Variants in P4HA3 observed in about 807,000 individuals in gnomAD.
The protein encoded by P4HA3 is prolyl 4-hydroxylase subunit alpha 3, also known as prolyl 4-hydroxylase subunit alpha-3.
In P4HA3, 60 loss-of-function variants were observed where a neutral mutation model predicts 66.7. The ratio of observed to expected loss-of-function variants is 0.90; its 90% confidence interval spans 0.73 to 1.12. The LOEUF (loss-of-function observed/expected upper bound fraction) is 1.12, where lower values mean the gene tolerates loss of function less well. P4HA3 is among the 50% of genes most tolerant of loss of function. The pLI is 0.00. For missense variants in P4HA3, 683 were observed against 685.8 expected (o/e 1.00, Z 0.05); for synonymous variants, 263 against 274.6 (o/e 0.96, Z 0.42).
chr11:74,256,179 T>A (rs1859826219), intron 15 of P4HA3, among the ~76,000 whole-genome samples: 1 of 152,206 alleles, frequency 6.6e-6, no homozygotes, highest in Non-Finnish European at 1.5e-5. Flanking sequence ...ACTGGCTTGC[T>A]TCCACATCAT....
At chr11:74,288,731 T>G (rs1440874325) in intron 5 of P4HA3, among the ~76,000 whole-genome samples, 4 of 151,784 alleles carry the variant, frequency 2.6e-5, no homozygotes, top group Non-Finnish European at 5.9e-5. Context: ...GGGGGACCAC[T>G]TGAGGTTAGG....
At chr11:74,307,277 C>A (rs115206506) in intron 1 of P4HA3, among the ~76,000 whole-genome samples, 2,745 of 152,314 alleles carry the variant, frequency 0.018, 45 homozygotes, top group African/African-American at 0.034. Flanking sequence ...ACTGAATAAA[C>A]AGATTCCTCA....
intron 4 of P4HA3, among the ~76,000 whole-genome samples, chr11:74,297,345 T>C (rs1861255469): frequency 6.6e-6 from 1 of 152,118 alleles, no homozygotes; most frequent in African/African-American, 2.4e-5. Flanking sequence ...TAAATCTGTT[T>C]GGGCAGCAAC....
At chr11:74,303,275 CA>C (rs1268088556) in intron 2 of P4HA3, among the ~76,000 whole-genome samples, 1 of 148,856 alleles carries the variant, frequency 6.7e-6, no homozygotes, top group Admixed American at 6.7e-5. Context: ...GTTAGCTTTC[CA>C]AAAATCAACA....
chr11:74,251,630 T>A (rs767361449), intron 15 of P4HA3: 1 of 1,612,036 alleles, frequency 6.2e-7, no homozygotes, highest in Admixed American at 1.7e-5. Context: ...TGGCCTGGAA[T>A]ATCTCTCCCA....
chr11:74,259,360 G>A (rs1398094632), intron 15 of P4HA3, among the ~76,000 whole-genome samples: 1 of 152,166 alleles, frequency 6.6e-6, no homozygotes, highest in East Asian at 1.9e-4. Flanking sequence ...TCCAGCCTGG[G>A]CGACAAGAGC....
chr11:74,256,130 C>T (rs1190367412), intron 15 of P4HA3, among the ~76,000 whole-genome samples: 1 of 152,194 alleles, frequency 6.6e-6, no homozygotes, highest in Non-Finnish European at 1.5e-5. Context: ...GCAGACAGGT[C>T]CAAATTCTAC....
intron 1 of P4HA3, among the ~76,000 whole-genome samples, chr11:74,310,094 A>C (rs1361577124): frequency 6.6e-6 from 1 of 152,214 alleles, no homozygotes; most frequent in Non-Finnish European, 1.5e-5. Flanking sequence ...GCTCAATGAT[A>C]AGGTCACATG....
chr11:74,298,978 ACATTCATT>A (rs1434757426), intron 3 of P4HA3, among the ~76,000 whole-genome samples: 2 of 150,440 alleles, frequency 1.3e-5, no homozygotes, highest in South Asian at 2.1e-4. Context: ...AGAATGGATT[ACATTCATT>A]CATTCATTCA....
At chr11:74,290,013 C>T (rs549977890) in intron 4 of P4HA3, among the ~76,000 whole-genome samples, 63 of 152,228 alleles carry the variant, frequency 4.1e-4, no homozygotes, top group African/African-American at 1.4e-3. Flanking sequence ...CTTGAGGAAT[C>T]GCCACACTGT....
At chr11:74,257,797 A>T (rs904818346) in intron 15 of P4HA3, among the ~76,000 whole-genome samples, 2 of 152,162 alleles carry the variant, frequency 1.3e-5, no homozygotes, top group African/African-American at 4.8e-5. Flanking sequence ...TAATTGGGCA[A>T]GGAAAAGACA....
At chr11:74,262,969 G>T (rs1347578159), downstream of P4HA3, among the ~76,000 whole-genome samples, 3 of 152,224 alleles carry the variant, frequency 2.0e-5, no homozygotes, top group Admixed American at 2.0e-4. Context: ...GACAAGCAGG[G>T]TGGCCGCTGC....
At chr11:74,300,540 GC>G (rs1041899439) in intron 3 of P4HA3, among the ~76,000 whole-genome samples, 1 of 152,018 alleles carries the variant, frequency 6.6e-6, no homozygotes, top group Non-Finnish European at 1.5e-5. Flanking sequence ...GATCACTTGA[GC>G]CCCCCCAGGT....
At chr11:74,253,842 C>T (rs1056719964) in intron 15 of P4HA3, 6 of 463,310 alleles carry the variant, frequency 1.3e-5, no homozygotes, top group African/African-American at 3.9e-5. Context: ...TAGCATCAGG[C>T]GATACATCTG....
intron 7 of P4HA3, among the ~76,000 whole-genome samples, chr11:74,283,358 C>G (rs1046352684): frequency 6.6e-6 from 1 of 152,126 alleles, no homozygotes; most frequent in Non-Finnish European, 1.5e-5. Context: ...CAAAGCTGAA[C>G]CTGTTTGCTC....
chr11:74,291,654 AG>A (rs1353647380), intron 4 of P4HA3, among the ~76,000 whole-genome samples: 3 of 152,162 alleles, frequency 2.0e-5, no homozygotes, highest in East Asian at 1.9e-4. Context: ...TTTAGCATGA[AG>A]GGTTGTTGAA....
chr11:74,264,465 G>T (rs1397469159), downstream of P4HA3, among the ~76,000 whole-genome samples: 1 of 152,114 alleles, frequency 6.6e-6, no homozygotes, highest in East Asian at 1.9e-4. Flanking sequence ...AACTTCCAGG[G>T]GTGAGGGGAG....
chr11:74,252,481 C>G (rs993890844), intron 15 of P4HA3: 4 of 456,528 alleles, frequency 8.8e-6, no homozygotes, highest in African/African-American at 8.0e-5. Flanking sequence ...GTGCCTCTGC[C>G]AGGCTTGCTT....
chr11:74,282,949 T>A lies in P4HA3; in HGVS notation c.1110+2860A>T, dbSNP rs145428090. Among the ~76,000 whole-genome samples the A allele has an allele frequency of 2.3e-3, 345 of 152,192 alleles. 2 individuals carry two copies. Among genetic ancestry groups the A allele is most frequent in the African/African-American group, 7.8e-3 (325 of 41,520 alleles). ...TCAGGGCTAGCGGGCCCAGCGAAGGTGCAGGGCTTCAACTGAGTCTTCAAA... is the reference window on the plus strand; with the variant it reads ...TCAGGGCTAGCGGGCCCAGCGAAGGAGCAGGGCTTCAACTGAGTCTTCAAA... On this transcript the variant is annotated intron_variant, in intron 7 of 12. Coordinates refer to ENST00000331597, the MANE Select transcript of P4HA3 (RefSeq NM_182904.5).
Sources: allele counts gnomAD v4.1 joint callset (sites outside exome capture counted in the v4.1 genomes callset), GRCh38; gene constraint gnomAD v4.1.1; transcripts MANE v1.5; gene names NCBI Gene and HGNC (gene_info 2026-07-23, HGNC 2026-07-21).